SHROOM3: variants seen among roughly 807,000 people sequenced by gnomAD.
SHROOM3 encodes shroom family member 3, also known as protein Shroom3.
Under a neutral mutation model 138.6 loss-of-function variants are expected in SHROOM3, and 47 were observed. The ratio of observed to expected loss-of-function variants is 0.34; its 90% confidence interval spans 0.27 to 0.43. The LOEUF (loss-of-function observed/expected upper bound fraction) is 0.43, where lower values mean the gene tolerates loss of function less well. Ranked by LOEUF, SHROOM3 falls within the 20% of genes least tolerant of loss-of-function variation. The pLI is 1.00. For missense variants in SHROOM3, 2,491 were observed against 2,596.5 expected (o/e 0.96, Z 0.88); for synonymous variants, 1,062 against 1,063.3 (o/e 1.00, Z 0.02).
At chr4:76,773,936 G>A (rs2109795511) in intron 10 of SHROOM3, among the ~76,000 whole-genome samples, 1 of 152,312 alleles carries the variant, frequency 6.6e-6, no homozygotes, top group African/African-American at 2.4e-5. Context: ...GTAGGGAAGA[G>A]TCATGAACTA....
At chr4:76,632,808 G>GTT (rs1337835210) in intron 2 of SHROOM3, among the ~76,000 whole-genome samples, 1 of 152,126 alleles carries the variant, frequency 6.6e-6, no homozygotes, top group African/African-American at 2.4e-5. Context: ...GGGGGATTAA[G>GTT]TTTTCATGGA....
chr4:76,779,136 AC>A lies in SHROOM3; in HGVS notation c.5951del (p.Thr1984IlefsTer9). 1 of 1,613,802 alleles carries A rather than the reference AC, an allele frequency of 6.2e-7. No individual in the cohort carries two copies. Among genetic ancestry groups the A allele is most frequent in the African/African-American group, 1.3e-5 (1 of 75,018 alleles). On this transcript the variant is annotated frameshift_variant, in exon 11 of 11. Coordinates refer to ENST00000296043, the MANE Select transcript of SHROOM3 (RefSeq NM_020859.4). LOFTEE classifies it low-confidence loss of function (END_TRUNC). ...TSEPIPAGGCTFSGIFPTLTS... is the reference protein window; with the variant it reads ...TSEPIPAGGCXFSGIFPTLTS... ...TGAGCCCATTCCTGCTGGGGGCTGT[AC>A]TTTCAGTGGTATTTTCCCAACATTA... is the stretch of plus-strand genomic sequence containing the variant.
intron 1 of SHROOM3, among the ~76,000 whole-genome samples, chr4:76,530,232 A>G (rs1420221067): frequency 6.6e-6 from 1 of 152,234 alleles, no homozygotes; most frequent in Non-Finnish European, 1.5e-5. Flanking sequence ...GCAATGGGTT[A>G]TTGTGATAAC....
chr4:76,772,339 G>A lies in SHROOM3; in HGVS notation c.5622+1441G>A, dbSNP rs571090370. ...GGCTGGTCTCGAACTCCTGACCTCA[G>A]GTGATCCACCTGCCTTGGCCTCGCA... is the stretch of plus-strand genomic sequence containing the variant. On this transcript the variant is annotated intron_variant, in intron 10 of 10. Coordinates refer to ENST00000296043, the MANE Select transcript of SHROOM3 (RefSeq NM_020859.4). 5.9e-5 allele frequency among the ~76,000 whole-genome samples: 9 copies of A among 151,956 alleles called. No homozygotes were observed. In the South Asian group the frequency reaches 1.7e-3, roughly 28 times the overall value.
At chr4:76,748,635 TC>T (rs1236674915) in intron 5 of SHROOM3, among the ~76,000 whole-genome samples, 1 of 152,164 alleles carries the variant, frequency 6.6e-6, no homozygotes, top group Admixed American at 6.5e-5. Context: ...CTCTCATATT[TC>T]CCTATTGCCA....
At chr4:76,689,715 G>A in intron 2 of SHROOM3, 1 of 985,670 alleles carries the variant, frequency 1.0e-6, no homozygotes, top group Non-Finnish European at 1.2e-6. Context: ...GAGTGAGGAG[G>A]GCGGCTGGGC....
chr4:76,772,362 G>T (rs936743229), intron 10 of SHROOM3, among the ~76,000 whole-genome samples: 1 of 151,822 alleles, frequency 6.6e-6, no homozygotes, highest in Non-Finnish European at 1.5e-5. Context: ...CCTTGGCCTC[G>T]CAAAGTGCTG....
At chr4:76,689,569 C>G (rs1293820922) in intron 2 of SHROOM3, 1 of 984,696 alleles carries the variant, frequency 1.0e-6, no homozygotes, top group Non-Finnish European at 1.2e-6. Flanking sequence ...GCTGGGCCGC[C>G]CATTGTTGAG....
intron 1 of SHROOM3, among the ~76,000 whole-genome samples, chr4:76,487,011 T>C (rs975973411): frequency 2.0e-5 from 3 of 152,162 alleles, no homozygotes; most frequent in African/African-American, 7.2e-5. Flanking sequence ...AGTGCAACTA[T>C]CACCACGATC....
chr4:76,627,520 A>G (rs1206904513), intron 2 of SHROOM3, among the ~76,000 whole-genome samples: 1 of 152,140 alleles, frequency 6.6e-6, no homozygotes, highest in Non-Finnish European at 1.5e-5. Flanking sequence ...TGGTGGTGAC[A>G]AGGATTTAGG....
intron 3 of SHROOM3, among the ~76,000 whole-genome samples, chr4:76,726,165 G>T (rs1158241492): frequency 6.6e-6 from 1 of 152,068 alleles, no homozygotes; most frequent in Non-Finnish European, 1.5e-5. Flanking sequence ...TGCAGTGGTT[G>T]ACAGTTTCCT....
At chr4:76,683,226 A>T (rs544507107) in intron 2 of SHROOM3, among the ~76,000 whole-genome samples, 112 of 152,076 alleles carry the variant, frequency 7.4e-4, no homozygotes, top group South Asian at 5.4e-3. Flanking sequence ...TTTATTTTTT[A>T]AAAAAATTTT....
intron 5 of SHROOM3, among the ~76,000 whole-genome samples, chr4:76,746,745 A>AAC (rs1721445637): frequency 6.6e-6 from 1 of 151,264 alleles, no homozygotes; most frequent in Non-Finnish European, 1.5e-5. Flanking sequence ...TGGAACCCAA[A>AAC]ACAGGAGGAC....
chr4:76,660,655 T>A (rs1407801805), intron 2 of SHROOM3, among the ~76,000 whole-genome samples: 1 of 152,076 alleles, frequency 6.6e-6, no homozygotes, highest in Non-Finnish European at 1.5e-5. Flanking sequence ...TTTGTATTTT[T>A]AGTAGAGACG....
At chr4:76,474,955 A>T (rs1336986950) in intron 1 of SHROOM3, among the ~76,000 whole-genome samples, 1 of 151,996 alleles carries the variant, frequency 6.6e-6, no homozygotes, top group Non-Finnish European at 1.5e-5. Flanking sequence ...TTTTTGAGAA[A>T]GTGAGGAATG....
At chr4:76,704,689 T>G (rs1720000524) in intron 2 of SHROOM3, among the ~76,000 whole-genome samples, 1 of 152,146 alleles carries the variant, frequency 6.6e-6, no homozygotes, top group Non-Finnish European at 1.5e-5. Context: ...GAACCTGGAT[T>G]TTATCCAAAA....
intron 1 of SHROOM3, among the ~76,000 whole-genome samples, chr4:76,505,464 T>C (rs60871166): frequency 0.3 from 45,062 of 152,020 alleles, 7,532 homozygotes; most frequent in African/African-American, 0.44. Context: ...GGCTGTACCC[T>C]TACTTTATAC....
intron 1 of SHROOM3, among the ~76,000 whole-genome samples, chr4:76,454,165 T>A (rs553476948): frequency 6.6e-6 from 1 of 152,300 alleles, no homozygotes; most frequent in Non-Finnish European, 1.5e-5. Flanking sequence ...TGCCTCAGCC[T>A]CCTGAGTGGC....
chr4:76,650,550 TTTATTTATTTA>T, intron 2 of SHROOM3, among the ~76,000 whole-genome samples: 1 of 150,368 alleles, frequency 6.7e-6, no homozygotes, highest in East Asian at 1.9e-4. Context: ...TATTTATTTA[TTTATTTATTTA>T]TTTGATGGAG....
Sources: allele counts gnomAD v4.1 joint callset (sites outside exome capture counted in the v4.1 genomes callset), GRCh38; gene constraint gnomAD v4.1.1; transcripts MANE v1.5; gene names NCBI Gene and HGNC (gene_info 2026-07-23, HGNC 2026-07-21).